The following CDH13 variants were observed in gnomAD, a reference collection of about 807,000 sequenced individuals.
The protein encoded by CDH13 is cadherin-13.
In CDH13, 24 loss-of-function variants were observed where a neutral mutation model predicts 63.8. That is an observed-to-expected ratio of 0.38 (90% confidence interval 0.27 to 0.53). The LOEUF is 0.53. Among genes scored for constraint, CDH13 ranks in the 20% least tolerant of loss-of-function variants. The pLI is 0.85. For synonymous variants in CDH13, 503 were observed against 355.3 expected, an observed-to-expected ratio of 1.42 and a Z score of -4.67; for missense variants, 1,049 against 903.1, an observed-to-expected ratio of 1.16 and a Z score of -2.07.
intron 6 of CDH13, among the ~76,000 whole-genome samples, chr16:83,389,348 G>C (rs905913387): frequency 6.6e-6 from 1 of 152,038 alleles, no homozygotes; most frequent in Non-Finnish European, 1.5e-5. Flanking sequence ...AAATGAGATC[G>C]TACCATAACG....
In CDH13 at chr16:83,515,655, A is replaced by G. The variant is rs116943776; in HGVS notation, c.960+29000A>G. ...CAAATGCTTAGAATTTCTAGATGTC[A>G]CAACAGAGATGTTACCAAAATATGA... On this transcript the variant is annotated intron_variant, in intron 7 of 13. Transcript: ENST00000567109. Among the ~76,000 whole-genome samples, 1,245 of 152,348 alleles carry G rather than the reference A, an allele frequency of 8.2e-3. 7 individuals carry two copies. The highest frequency in any genetic ancestry group is 0.014 in the Non-Finnish European group (975 of 68,026).
At chr16:83,284,028 C>G (rs141419954) in intron 5 of CDH13, among the ~76,000 whole-genome samples, 141 of 152,266 alleles carry the variant, frequency 9.3e-4, no homozygotes, top group African/African-American at 3.2e-3. Flanking sequence ...AGAGCCAAAC[C>G]ATTCTCTGTG....
intron 1 of CDH13, among the ~76,000 whole-genome samples, chr16:82,677,230 GAC>G (rs1914031554): frequency 1.3e-5 from 2 of 152,332 alleles, no homozygotes; most frequent in East Asian, 3.9e-4. Context: ...AGGTAATGCA[GAC>G]TCATTCATCC....
At chr16:83,227,693 A>C (rs936693846) in intron 5 of CDH13, among the ~76,000 whole-genome samples, 3 of 152,186 alleles carry the variant, frequency 2.0e-5, no homozygotes, top group Admixed American at 6.5e-5. Flanking sequence ...CTTTTTGGCC[A>C]GCTGAGTCTT....
chr16:82,856,938 C>G (rs1473470814), intron 1 of CDH13, among the ~76,000 whole-genome samples: 1 of 152,048 alleles, frequency 6.6e-6, no homozygotes, highest in Non-Finnish European at 1.5e-5. Flanking sequence ...ATACCATTCC[C>G]CATCAGTTAT....
At chr16:83,673,744 C>T (rs1486895261) in intron 9 of CDH13, among the ~76,000 whole-genome samples, 1 of 152,202 alleles carries the variant, frequency 6.6e-6, no homozygotes, top group Non-Finnish European at 1.5e-5. Context: ...TTGCCCCAGA[C>T]CTGCTGTGTC....
At chr16:82,894,282 C>A (rs1402819254) in intron 2 of CDH13, among the ~76,000 whole-genome samples, 1 of 152,146 alleles carries the variant, frequency 6.6e-6, no homozygotes, top group Non-Finnish European at 1.5e-5. Context: ...GATTGTTCTC[C>A]CATGTTGGAA....
intron 6 of CDH13, among the ~76,000 whole-genome samples, chr16:83,361,706 G>C (rs115013069): frequency 6.6e-6 from 1 of 151,942 alleles, no homozygotes; most frequent in Admixed American, 6.6e-5. Context: ...TTGCTTATTT[G>C]TATCGGCTTT....
At chr16:83,354,245 A>C (rs1172345739) in intron 6 of CDH13, among the ~76,000 whole-genome samples, 1 of 152,248 alleles carries the variant, frequency 6.6e-6, no homozygotes, top group Non-Finnish European at 1.5e-5. Flanking sequence ...CAAAGGATCC[A>C]CTGTGAATAG....
At chr16:82,648,183 G>A (rs1467779371) in intron 1 of CDH13, among the ~76,000 whole-genome samples, 1 of 152,136 alleles carries the variant, frequency 6.6e-6, no homozygotes, top group Non-Finnish European at 1.5e-5. Context: ...GTTTGAAAAT[G>A]GACTAATACA....
rs539196421 is a variant in CDH13, at chr16:83,670,820, G to A, written c.1132G>A (p.Gly378Arg). The A allele has an allele frequency of 8.1e-6, 13 of 1,613,920 alleles. No individual in the cohort carries two copies. In the South Asian group the frequency reaches 1.2e-4, roughly 15 times the overall value. The change falls in exon 9 of 14, where the codon GGA becomes AGA. Residue 378 changes from glycine (G) to arginine (R), a missense_variant. Gly to Arg is a moderately radical substitution (Grantham distance 125, BLOSUM62 -2). Coordinates refer to ENST00000567109, the MANE Select transcript of CDH13 (RefSeq NM_001257.5). ...FQATVEEGAV[G>R]VIVNLTVEDK... ...AGCCACAGTCGAGGAAGGAGCTGTG[G>A]GAGTTATTGTCAATTTGACAGTTGA...
intron 1 of CDH13, among the ~76,000 whole-genome samples, chr16:82,713,245 T>A (rs1356272137): frequency 2.0e-5 from 3 of 151,994 alleles, no homozygotes; most frequent in Non-Finnish European, 2.9e-5. Context: ...CAAAGCAGGG[T>A]TCCTGGGTAT....
At chr16:83,142,522 C>G (rs1024395525) in intron 4 of CDH13, among the ~76,000 whole-genome samples, 1 of 152,140 alleles carries the variant, frequency 6.6e-6, no homozygotes, top group South Asian at 2.1e-4. Context: ...AACGTTACCT[C>G]CTCGGGGAAG....
intron 11 of CDH13, among the ~76,000 whole-genome samples, chr16:83,749,052 G>A (rs570588131): frequency 6.6e-6 from 1 of 152,232 alleles, no homozygotes; most frequent in Non-Finnish European, 1.5e-5. Flanking sequence ...CGTTAACTGA[G>A]ATGAGGGGAT....
chr16:82,837,066 C>A (rs756865768), intron 1 of CDH13, among the ~76,000 whole-genome samples: 1 of 152,092 alleles, frequency 6.6e-6, no homozygotes, highest in African/African-American at 2.4e-5. Context: ...AATGGGCAAC[C>A]CATCGAGGTG....
intron 4 of CDH13, among the ~76,000 whole-genome samples, chr16:83,157,062 G>A (rs1022525911): frequency 5.3e-5 from 8 of 152,180 alleles, no homozygotes; most frequent in African/African-American, 1.7e-4. Context: ...CTCCAATGAC[G>A]TCAGGCCACT....
intron 5 of CDH13, among the ~76,000 whole-genome samples, chr16:83,342,886 T>A (rs1232339606): frequency 1.5e-5 from 2 of 130,078 alleles, no homozygotes. Context: ...TAAAGTCAAG[T>A]CCTTGGCTAT....
chr16:82,778,770 G>C (rs1005923679), intron 1 of CDH13, among the ~76,000 whole-genome samples: 5 of 152,012 alleles, frequency 3.3e-5, no homozygotes, highest in Admixed American at 1.3e-4. Flanking sequence ...CAAGGCACTA[G>C]GAACCCCTAT....
chr16:82,956,791 A>G (rs1319023697), intron 2 of CDH13, among the ~76,000 whole-genome samples: 2 of 152,216 alleles, frequency 1.3e-5, no homozygotes, highest in South Asian at 2.1e-4. Context: ...TACTTTTTCA[A>G]TAACTTGTGT....
Sources: allele counts gnomAD v4.1 joint callset (sites outside exome capture counted in the v4.1 genomes callset), GRCh38; gene constraint gnomAD v4.1.1; transcripts MANE v1.5; gene names NCBI Gene and HGNC (gene_info 2026-07-23, HGNC 2026-07-21).